Variants in PKN2 observed in about 807,000 individuals in gnomAD.
PKN2 encodes serine/threonine-protein kinase N2.
PKN2 carries 38 observed loss-of-function variants against 119.1 expected under a neutral mutation model. That is an observed-to-expected ratio of 0.32 (90% CI 0.25 to 0.42). PKN2 has a LOEUF of 0.42. PKN2 is among the 10% of genes least tolerant of loss of function. PKN2 has a pLI of 1.00. For synonymous variants in PKN2, 390 were observed against 384.9 expected (o/e 1.01, Z -0.15); for missense variants, 850 against 1,165.1 (o/e 0.73, Z 3.94).
At chr1:88,742,943 C>T (rs558898147) in intron 2 of PKN2, among the ~76,000 whole-genome samples, 203 of 152,258 alleles carry the variant, frequency 1.3e-3, no homozygotes, top group African/African-American at 4.8e-3. Flanking sequence ...ATAATCCTAG[C>T]ACTTTGGGAG....
chr1:88,780,376 G>A (rs1670288134), intron 6 of PKN2, among the ~76,000 whole-genome samples: 1 of 151,854 alleles, frequency 6.6e-6, no homozygotes, highest in African/African-American at 2.4e-5. Flanking sequence ...AAAACATTAG[G>A]GCACCATGAA....
chr1:88,695,333 G>C (rs1666500507), intron 1 of PKN2, among the ~76,000 whole-genome samples: 2 of 152,042 alleles, frequency 1.3e-5, no homozygotes, highest in African/African-American at 4.8e-5. Flanking sequence ...TTGCCAGTTA[G>C]AGTTACATCA....
At chr1:88,738,737 G>A (rs1668457636) in intron 1 of PKN2, among the ~76,000 whole-genome samples, 2 of 152,218 alleles carry the variant, frequency 1.3e-5, no homozygotes, top group African/African-American at 2.4e-5. Flanking sequence ...TTCATAAAGT[G>A]TTTTCTGATA....
In PKN2 at chr1:88,801,694, G is replaced by A. The variant is rs535854510; in HGVS notation, c.1282-2697G>A. On this transcript the variant is annotated intron_variant, in intron 8 of 21. Coordinates refer to ENST00000370521, the MANE Select transcript of PKN2 (RefSeq NM_006256.4). ...TGTAAAATGTTAGAAACAGATAATC[G>A]GTGCCGTGAAGAAAAGTCAGCACGG... is the stretch of plus-strand genomic sequence containing the variant. 6.4e-4 allele frequency among the ~76,000 whole-genome samples: 98 copies of A among 152,156 alleles called. 1 individual carries two copies. The highest frequency in any genetic ancestry group is 3.2e-3 in the Middle Eastern group (1 of 316).
At chr1:88,693,264 G>T (rs1362885914) in intron 1 of PKN2, among the ~76,000 whole-genome samples, 1 of 152,162 alleles carries the variant, frequency 6.6e-6, no homozygotes, top group East Asian at 1.9e-4. Flanking sequence ...CCATTAAAAT[G>T]CTGGAGTTGA....
At chr1:88,832,604 TTTATTG>T in intron 19 of PKN2, 134 bp from the exon 20 acceptor site, 1 of 567,362 alleles carries the variant, frequency 1.8e-6, no homozygotes, top group East Asian at 2.7e-5. Flanking sequence ...TAGGCATGGG[TTTATTG>T]TTGTTGTTGT....
intron 6 of PKN2, chr1:88,781,044 T>A (rs751774137): frequency 4.6e-5 from 47 of 1,025,166 alleles, no homozygotes; most frequent in African/African-American, 1.7e-4. Flanking sequence ...AAGACATTTT[T>A]AAAAAATTCT....
Position 88,779,160 on chromosome 1 carries a change from A to G in PKN2, c.986-5479A>G, listed in dbSNP as rs191879141. 3.4e-4 allele frequency among the ~76,000 whole-genome samples: 52 copies of G among 152,340 alleles called. 1 individual carries two copies. The highest frequency in any genetic ancestry group is 2.9e-3 in the Admixed American group (44 of 15,296). On this transcript the variant is annotated intron_variant, in intron 6 of 21. Coordinates refer to ENST00000370521, the MANE Select transcript of PKN2 (RefSeq NM_006256.4). ...TGCTCCCTCCTTACAGCAGGCTGCC[A>G]TCTTCAATACTGCCCCCAAGGTATT...
intron 1 of PKN2, 134 bp downstream of exon 1, chr1:88,684,762 A>C: frequency 1.4e-6 from 1 of 716,680 alleles, no homozygotes; most frequent in Non-Finnish European, 2.1e-6. Context: ...CCGGGATGTC[A>C]CTCGGGAAAT....
chr1:88,752,541 T>A (rs924953952), intron 2 of PKN2, among the ~76,000 whole-genome samples: 8 of 152,116 alleles, frequency 5.3e-5, no homozygotes, highest in Non-Finnish European at 1.0e-4. Flanking sequence ...GCTATATTTT[T>A]AAAAAATTTG....
intron 17 of PKN2, 117 bp downstream of exon 17, chr1:88,822,120 AC>A: frequency 1.1e-6 from 1 of 934,742 alleles, no homozygotes; most frequent in Non-Finnish European, 1.5e-6. Flanking sequence ...TTTCTCCTTC[AC>A]CTGTAAGTCA....
At chr1:88,806,592 T>C (rs951456968) in intron 12 of PKN2, among the ~76,000 whole-genome samples, 5 of 152,216 alleles carry the variant, frequency 3.3e-5, no homozygotes, top group African/African-American at 1.2e-4. Context: ...CCAGAAGAGA[T>C]AGAATAGGCT....
At chr1:88,757,004 A>G (rs1337217640) in intron 2 of PKN2, among the ~76,000 whole-genome samples, 1 of 152,130 alleles carries the variant, frequency 6.6e-6, no homozygotes, top group Non-Finnish European at 1.5e-5. Flanking sequence ...CTGAGACTCA[A>G]ACCTGGGCAG....
At chr1:88,714,349 T>C (rs1667361364) in intron 1 of PKN2, among the ~76,000 whole-genome samples, 1 of 152,224 alleles carries the variant, frequency 6.6e-6, no homozygotes, top group Non-Finnish European at 1.5e-5. Flanking sequence ...GTGGATGGCA[T>C]TGAATCTATA....
intron 8 of PKN2, among the ~76,000 whole-genome samples, chr1:88,801,421 A>G (rs1671306336): frequency 6.6e-6 from 1 of 152,090 alleles, no homozygotes; most frequent in Non-Finnish European, 1.5e-5. Flanking sequence ...AATGGTAAAC[A>G]TTAGTGACAT....
chr1:88,817,752 C>T (rs1285709133), intron 16 of PKN2, among the ~76,000 whole-genome samples: 1 of 151,142 alleles, frequency 6.6e-6, no homozygotes, highest in Non-Finnish European at 1.5e-5. Context: ...TAAAATTCAA[C>T]ACTGCTTCAT....
At chr1:88,779,837 G>C (rs188921601) in intron 6 of PKN2, among the ~76,000 whole-genome samples, 11 of 152,336 alleles carry the variant, frequency 7.2e-5, no homozygotes, top group African/African-American at 2.6e-4. Context: ...ATTAGGATCA[G>C]TCTAAATGTG....
chr1:88,823,924 G>A (rs146620859), intron 17 of PKN2, among the ~76,000 whole-genome samples: 2,776 of 145,824 alleles, frequency 0.019, 30 homozygotes, highest in Non-Finnish European at 0.029. Context: ...CAGGAGAATC[G>A]CTTGTACCCG....
chr1:88,745,344 A>G (rs1668730954), intron 2 of PKN2, among the ~76,000 whole-genome samples: 1 of 152,238 alleles, frequency 6.6e-6, no homozygotes, highest in Non-Finnish European at 1.5e-5. Context: ...TGAACAACAC[A>G]ATCTTACATA....
Sources: allele counts gnomAD v4.1 joint callset (sites outside exome capture counted in the v4.1 genomes callset), GRCh38; gene constraint gnomAD v4.1.1; transcripts MANE v1.5; gene names NCBI Gene and HGNC (gene_info 2026-07-23, HGNC 2026-07-21).